NPEPPS: variants seen among roughly 807,000 people sequenced by gnomAD.
NPEPPS encodes the protein aminopeptidase puromycin sensitive, also known as puromycin-sensitive aminopeptidase.
A neutral mutation model predicts 115.5 loss-of-function variants in NPEPPS; 14 were observed. The observed-to-expected ratio is 0.12, with a 90% CI of 0.08 to 0.19. The LOEUF (loss-of-function observed/expected upper bound fraction) is 0.19, where lower values mean the gene tolerates loss of function less well. NPEPPS is among the 10% of genes least tolerant of loss of function. The pLI is 1.00. For missense variants in NPEPPS, 523 were observed against 1,110.8 expected (o/e 0.47, Z 7.52); for synonymous variants, 285 against 390.6 (o/e 0.73, Z 3.19).
At chr17:47,561,719 A>G (rs1401292906) in intron 2 of NPEPPS, among the ~76,000 whole-genome samples, 1 of 152,194 alleles carries the variant, frequency 6.6e-6, no homozygotes, top group African/African-American at 2.4e-5. Context: ...TCATCCCCCA[A>G]CATTCTGTCT....
At chr17:47,547,843 G>A (rs1049403581) in intron 2 of NPEPPS, among the ~76,000 whole-genome samples, 1 of 151,996 alleles carries the variant, frequency 6.6e-6, no homozygotes, top group African/African-American at 2.4e-5. Context: ...TGGCTAACTC[G>A]GCGAAACCCC....
At chr17:47,565,030 C>A (rs930839002) in intron 2 of NPEPPS, among the ~76,000 whole-genome samples, 1 of 152,136 alleles carries the variant, frequency 6.6e-6, no homozygotes, top group Non-Finnish European at 1.5e-5. Context: ...ACTGAACACA[C>A]ACTATGTGCC....
intron 1 of NPEPPS, among the ~76,000 whole-genome samples, chr17:47,543,824 G>A (rs1462602194): frequency 1.3e-5 from 2 of 152,060 alleles, no homozygotes; most frequent in Non-Finnish European, 2.9e-5. Flanking sequence ...CCTTTCCATG[G>A]AAAAATTCTC....
At chr17:47,607,968 C>T (rs1913614645) in intron 17 of NPEPPS, among the ~76,000 whole-genome samples, 1 of 151,920 alleles carries the variant, frequency 6.6e-6, no homozygotes, top group Non-Finnish European at 1.5e-5. Context: ...CCTCAGCCTC[C>T]TGAGTATTTG....
At chr17:47,541,533 C>T (rs1425203628) in intron 1 of NPEPPS, among the ~76,000 whole-genome samples, 3 of 152,056 alleles carry the variant, frequency 2.0e-5, no homozygotes, top group African/African-American at 7.2e-5. Context: ...CCTGCCACCA[C>T]GCCCAGCTAA....
chr17:47,538,099 G>T (rs1908443172), intron 1 of NPEPPS, among the ~76,000 whole-genome samples: 2 of 151,290 alleles, frequency 1.3e-5, no homozygotes, highest in African/African-American at 4.9e-5. Context: ...CACCATGTTG[G>T]CCAGGCTGGT....
chr17:47,572,485 A>AC (rs1238721273), intron 3 of NPEPPS, among the ~76,000 whole-genome samples: 9 of 152,060 alleles, frequency 5.9e-5, no homozygotes, highest in East Asian at 5.8e-4. Context: ...AGTTAAAAAA[A>AC]AAACAAACAA....
rs1306452664 is a variant in NPEPPS, at chr17:47,524,703, A to G, written c.77+1640A>G. ...GTATTTTTAGTAAAGACGGGGTTTC[A>G]CTGTGTTGGCCAGGATGGTCTCGAT... is the stretch of plus-strand genomic sequence containing the variant. On this transcript the variant is annotated intron_variant, in intron 1 of 5. Coordinates refer to the NPEPPS transcript ENST00000525007. Among the ~76,000 whole-genome samples, 3 of 144,666 alleles carry G rather than the reference A, an allele frequency of 2.1e-5. No homozygotes were observed. The Admixed American group carries it at 2.1e-4, about 10-fold the overall frequency. 94.9% of individuals were successfully genotyped at this position (144,666 alleles called of 152,430 possible).
At chr17:47,535,506 G>A (rs1259928597) in intron 1 of NPEPPS, among the ~76,000 whole-genome samples, 2 of 147,390 alleles carry the variant, frequency 1.4e-5, no homozygotes, top group Admixed American at 6.8e-5. Context: ...AGCCGAGATC[G>A]CGCCACGCAC....
At chr17:47,553,307 A>G (rs1909776977) in intron 2 of NPEPPS, among the ~76,000 whole-genome samples, 1 of 150,968 alleles carries the variant, frequency 6.6e-6, no homozygotes, top group African/African-American at 2.4e-5. Context: ...TGGGAGGCAG[A>G]GGTTGCAGTG....
Position 47,531,415 on chromosome 17 carries a change from A to C in NPEPPS, c.115A>C (p.Ser39Arg), listed in dbSNP as rs1195872902. 6 of 1,546,296 alleles carry C rather than the reference A, an allele frequency of 3.9e-6. No homozygotes were observed. Among genetic ancestry groups the C allele is most frequent in the Non-Finnish European group, 5.2e-6 (6 of 1,145,940 alleles). ...FSRSSRRRLHSLGLAAMPEKR... is the reference protein window; with the variant it reads ...FSRSSRRRLHRLGLAAMPEKR... Reference sequence around the variant, plus strand: ...CCGCTCCTCTCGCCGCCGCCTCCACAGCCTGGGCCTCGCCGCGATGCCGGA... The same window carrying C: ...CCGCTCCTCTCGCCGCCGCCTCCACCGCCTGGGCCTCGCCGCGATGCCGGA... The change falls in exon 1 of 23, where the codon AGC becomes CGC. Residue 39 changes from serine to arginine, a missense_variant. Around this residue, in one of 4 missense-constraint regions of NPEPPS, gnomAD observed 144 missense variants for 512.4 expected, o/e 0.28. Transcript: ENST00000322157.
At chr17:47,618,073 G>A (rs549274063) in intron 19 of NPEPPS, among the ~76,000 whole-genome samples, 66 of 151,682 alleles carry the variant, frequency 4.4e-4, no homozygotes, top group African/African-American at 1.5e-3. Context: ...TAGAAACAGG[G>A]TTTCACCATG....
intron 13 of NPEPPS, among the ~76,000 whole-genome samples, chr17:47,598,665 G>T (rs547020628): frequency 6.6e-6 from 1 of 152,166 alleles, no homozygotes; most frequent in African/African-American, 2.4e-5. Context: ...TTATTAAGCC[G>T]TAATTTTTTC....
chr17:47,569,323 T>G, intron 2 of NPEPPS, 94 bp from the exon 3 acceptor site: 1 of 763,324 alleles, frequency 1.3e-6, no homozygotes, highest in South Asian at 1.8e-5. Flanking sequence ...AATATTTTGC[T>G]TTTGTAGAGA....
chr17:47,621,929 G>A lies in NPEPPS; in HGVS notation c.*9G>A. 1.2e-6 allele frequency: 2 copies of A among 1,606,194 alleles called. No homozygotes were observed. Among genetic ancestry groups the A allele is most frequent in the Non-Finnish European group, 1.7e-6 (2 of 1,175,480 alleles). The stretch of plus-strand genomic sequence containing the variant: ...CACCACCCACAGTGTGAATCCTGAG[G>A]TGCCGCCATTGGCGGTTCTGCTGCT... On this transcript the variant is annotated 3_prime_UTR_variant, in exon 23 of 23. Transcript: ENST00000322157.
At chr17:47,616,052 C>G (rs941536460) in intron 19 of NPEPPS, among the ~76,000 whole-genome samples, 1 of 152,122 alleles carries the variant, frequency 6.6e-6, no homozygotes, top group Admixed American at 6.5e-5. Context: ...TGGAGGAAAA[C>G]GCTTCCTGAA....
intron 20 of NPEPPS, 77 bp from the exon 21 acceptor site, chr17:47,618,932 G>A: frequency 1.5e-6 from 2 of 1,311,118 alleles, no homozygotes; most frequent in Non-Finnish European, 1.1e-6. Flanking sequence ...TTACTTCAGT[G>A]TCACAGTATG....
At chr17:47,617,227 T>C (rs1356115608) in intron 19 of NPEPPS, among the ~76,000 whole-genome samples, 1 of 152,176 alleles carries the variant, frequency 6.6e-6, no homozygotes, top group African/African-American at 2.4e-5. Flanking sequence ...TTTATGCTTC[T>C]CTGTCTTTCA....
intron 2 of NPEPPS, among the ~76,000 whole-genome samples, chr17:47,565,264 A>G (rs1015893090): frequency 2.0e-5 from 3 of 152,126 alleles, no homozygotes; most frequent in African/African-American, 7.2e-5. Flanking sequence ...TAATCCCAAC[A>G]CTTTGGGAGG....
Sources: gnomAD v4.1 joint callset for allele counts (sites outside exome capture counted in the v4.1 genomes callset) on GRCh38, gnomAD v4.1.1 for gene constraint, gnomAD v4.1.1 regional missense constraint, MANE v1.5 for transcripts, NCBI Gene and HGNC (gene_info 2026-07-23, HGNC 2026-07-21) for gene names.